The following MPRIP variants were observed in gnomAD, a reference collection of about 807,000 sequenced individuals.
MPRIP encodes the protein myosin phosphatase Rho interacting protein, also known as myosin phosphatase Rho-interacting protein.
Under a neutral mutation model 234.9 loss-of-function variants are expected in MPRIP, and 59 were observed. That is an observed-to-expected ratio of 0.25 (90% CI 0.20 to 0.31). The LOEUF (loss-of-function observed/expected upper bound fraction) is 0.31, where lower values mean the gene tolerates loss of function less well. MPRIP is among the 10% of genes least tolerant of loss of function. The pLI, the probability that MPRIP is intolerant of heterozygous loss-of-function variation, is 1.00. For missense variants in MPRIP, 2,436 were observed against 3,071.0 expected (o/e 0.79, Z 4.89); for synonymous variants, 1,144 against 1,263.9 (o/e 0.91, Z 2.01).
At chr17:17,127,996 G>A (rs1239873756) in intron 4 of MPRIP, among the ~76,000 whole-genome samples, 3 of 152,290 alleles carry the variant, frequency 2.0e-5, no homozygotes, top group Admixed American at 6.5e-5. Context: ...ACCTGGAGCC[G>A]AGCTGGAGGA....
chr17:17,060,282 C>T (rs903602651), intron 1 of MPRIP, among the ~76,000 whole-genome samples: 3 of 152,204 alleles, frequency 2.0e-5, no homozygotes, highest in South Asian at 4.1e-4. Context: ...GGCCGTGGCC[C>T]CAGCTGCATG....
rs116807601 is a variant in MPRIP at position 17,062,774 on chromosome 17, G to T, written c.124-12936G>T. Among the ~76,000 whole-genome samples, 1,365 of 152,362 alleles carry T rather than the reference G, an allele frequency of 9.0e-3. 26 individuals carry two copies. Among genetic ancestry groups the T allele is most frequent in the African/African-American group, 0.03 (1,234 of 41,574 alleles). On this transcript the variant is annotated intron_variant, in intron 1 of 23. Coordinates refer to ENST00000651222, the MANE Select transcript of MPRIP (RefSeq NM_001364716.4). Reference sequence around the variant, plus strand: ...ACTCTCGAAACTGTTTCTCTGTTGGGTGTTGAGCTCTTCCCACATCAGGAA... The same window carrying T: ...ACTCTCGAAACTGTTTCTCTGTTGGTTGTTGAGCTCTTCCCACATCAGGAA...
At position 17,167,687 on chromosome 17, in the gene MPRIP, G is replaced by A. The variant is rs1426375416; in HGVS notation, c.6096G>A (p.Gln2032=). 3 of 1,304,056 alleles carry A rather than the reference G, an allele frequency of 2.3e-6. No homozygotes were observed. The East Asian group carries it at 1.7e-4, about 72-fold the overall frequency. The allele number at this position is 1,304,056 out of a possible 1,614,324, so 80.8% of individuals were successfully genotyped here. A position where few individuals can be genotyped will look rare whatever the true frequency, so the allele number is the denominator to read the frequency against. The change falls in exon 16 of 24, where the codon CAG becomes CAA. Residue 2032 remains glutamine, a synonymous_variant. Coordinates refer to ENST00000651222, the MANE Select transcript of MPRIP (RefSeq NM_001364716.4). The surrounding 1 kb of genome is among the most constrained non-coding windows in gnomAD (Gnocchi z 5.9). ...EHYSQSLRCL[Q]DTLCLHQGPH... is the part of the protein sequence containing the mutation. ...ACTCGCAGAGCCTGAGGTGCCTTCA[G>A]GACACCCTCTGCCTCCACCAGGGGC...
intron 12 of MPRIP, among the ~76,000 whole-genome samples, chr17:17,150,993 A>G (rs918936087): frequency 6.8e-6 from 1 of 147,662 alleles, no homozygotes; most frequent in Non-Finnish European, 1.5e-5. Context: ...CTACAGGTGC[A>G]TGCCACCATG....
At position 17,078,319 on chromosome 17, in the gene MPRIP, A is replaced by AT. The variant is rs1171057802; in HGVS notation, c.267+246dup. ...AGAGGAAGAAGTGAGGGAGGAAGTCATTTCTGTTGAAGGCTAATAGTGTGG... is the reference window on the plus strand; with the variant it reads ...AGAGGAAGAAGTGAGGGAGGAAGTCATTTTCTGTTGAAGGCTAATAGTGTGG... On this transcript the variant is annotated intron_variant, in intron 3 of 23. Transcript: ENST00000651222. This position sits in a 1 kb window ranked among gnomAD's most constrained non-coding sequence, Gnocchi z 4.3. 3.3e-5 allele frequency among the ~76,000 whole-genome samples: 5 copies of AT among 152,150 alleles called. No individual in the cohort carries two copies. Among genetic ancestry groups the AT allele is most frequent in the African/African-American group, 1.2e-4 (5 of 41,414 alleles).
At chr17:17,113,620 T>G (rs1224570222) in intron 3 of MPRIP, among the ~76,000 whole-genome samples, 1 of 152,244 alleles carries the variant, frequency 6.6e-6, no homozygotes, top group African/African-American at 2.4e-5. Flanking sequence ...TGTACAAATA[T>G]CTGTTCGAGT....
At chr17:17,102,350 G>C (rs556714475) in intron 3 of MPRIP, among the ~76,000 whole-genome samples, 1 of 152,348 alleles carries the variant, frequency 6.6e-6, no homozygotes, top group South Asian at 2.1e-4. Flanking sequence ...GTTGTGCCAG[G>C]CATTGTGGGA....
rs147741179 is a variant in MPRIP, at chr17:17,175,306, G to A, written c.6764G>A (p.Arg2255His). The A allele has an allele frequency of 2.1e-5, 34 of 1,613,498 alleles. No homozygotes were observed. The highest frequency in any genetic ancestry group is 1.6e-4 in the East Asian group (7 of 44,880). Residue 2255 changes from arginine (R) to histidine (H), a missense_variant, in exon 20 of 24, where the codon CGC (arginine) becomes CAC (histidine). By Grantham distance (29) the Arg-to-His change is conservative. Transcript: ENST00000651222. ...GCTGTCCCCCAGGAGCTGAACAACC[G>A]CCTGGCTGCAGAGATCACACGGTTG... ...LNAHNQELNN[R>H]LAAEITRLRT...
At chr17:17,087,174 G>A (rs1356902587) in intron 3 of MPRIP, among the ~76,000 whole-genome samples, 1 of 152,154 alleles carries the variant, frequency 6.6e-6, no homozygotes, top group Non-Finnish European at 1.5e-5. Context: ...ACAGTTGGGG[G>A]TTCCCACTGT....
At chr17:17,143,706 C>A (rs1346776619) in intron 9 of MPRIP, 37 bp downstream of exon 9, 1 of 1,416,538 alleles carries the variant, frequency 7.1e-7, no homozygotes. Context: ...AGGCCGTGCT[C>A]CTCTGCTTCT....
chr17:17,133,673 G>A (rs2090640292), intron 5 of MPRIP, among the ~76,000 whole-genome samples: 1 of 152,202 alleles, frequency 6.6e-6, no homozygotes, highest in African/African-American at 2.4e-5. Flanking sequence ...ACTCAGGTGG[G>A]ACCTTCTGGA....
At chr17:17,184,568 T>C (rs2046436099) in intron 23 of MPRIP, among the ~76,000 whole-genome samples, 1 of 152,256 alleles carries the variant, frequency 6.6e-6, no homozygotes, top group African/African-American at 2.4e-5. Flanking sequence ...GCTCAGAATT[T>C]AGCTGCTTAA....
At position 17,166,960 on chromosome 17, in the gene MPRIP, C is replaced by T. The variant is rs763849274; in HGVS notation, c.5369C>T (p.Ala1790Val). ...EELAQQLKEKASLLEEIAAAL... is the reference protein window; with the variant it reads ...EELAQQLKEKVSLLEEIAAAL... ...CTTGCCCAGCAGCTGAAGGAGAAGG[C>T]CAGCCTCTTAGAGGAGATAGCGGCT... is the stretch of plus-strand genomic sequence containing the variant. The change falls in exon 16 of 24, where the codon GCC becomes GTC. Residue 1790 changes from alanine (A) to valine (V), a missense_variant. Transcript: ENST00000651222. This position sits in a 1 kb window ranked among gnomAD's most constrained non-coding sequence, Gnocchi z 4.4. The T allele has an allele frequency of 2.3e-6, 3 of 1,304,086 alleles. No individual in the cohort carries two copies. The highest frequency in any genetic ancestry group is 3.0e-6 in the Non-Finnish European group (3 of 988,954). 80.8% of individuals were successfully genotyped at this position (1,304,086 alleles called of 1,614,324 possible). A position where few individuals can be genotyped will look rare whatever the true frequency, so the allele number is the denominator to read the frequency against.
chr17:17,154,207 C>G, intron 12 of MPRIP, 99 bp from the exon 13 acceptor site: 1 of 990,382 alleles, frequency 1.0e-6, no homozygotes, highest in Non-Finnish European at 1.6e-6. Context: ...GCCTTTCTCC[C>G]TGTGGGACTT....
chr17:17,084,366 G>T (rs925480261), intron 3 of MPRIP, among the ~76,000 whole-genome samples: 1 of 152,246 alleles, frequency 6.6e-6, no homozygotes, highest in Non-Finnish European at 1.5e-5. Flanking sequence ...GCACTTGGCT[G>T]CCTTTTCGCT....
intron 19 of MPRIP, 44 bp downstream of exon 19, chr17:17,174,119 C>G: frequency 3.1e-6 from 5 of 1,602,884 alleles, no homozygotes; most frequent in Middle Eastern, 1.7e-4. Context: ...CAGGGGCACT[C>G]AAGGTCAGGT....
chr17:17,044,767 T>G (rs2088291639), intron 1 of MPRIP, among the ~76,000 whole-genome samples: 2 of 152,332 alleles, frequency 1.3e-5, no homozygotes, highest in South Asian at 4.1e-4. Context: ...TGATTATTAA[T>G]TGGATTCACG....
chr17:17,180,713 C>T (rs967955351), intron 23 of MPRIP: 2 of 1,534,090 alleles, frequency 1.3e-6, no homozygotes, highest in Non-Finnish European at 1.8e-6. Context: ...CTCACACCCC[C>T]ATGGCAAACG....
chr17:17,180,496 T>C, intron 23 of MPRIP: 1 of 960,320 alleles, frequency 1.0e-6, no homozygotes. Context: ...AGTACATCTT[T>C]AGTGTGCTGT....
Sources: allele counts gnomAD v4.1 joint callset (sites outside exome capture counted in the v4.1 genomes callset), GRCh38; gene constraint gnomAD v4.1.1; non-coding constraint Gnocchi (gnomAD v3.1); transcripts MANE v1.5; gene names NCBI Gene and HGNC (gene_info 2026-07-23, HGNC 2026-07-21).